The following TCF20 variants were observed in gnomAD, a reference collection of about 807,000 sequenced individuals.
The protein encoded by TCF20 is transcription factor 20.
A neutral mutation model predicts 148.6 loss-of-function variants in TCF20; 3 were observed. That is an observed-to-expected ratio of 0.02 (90% confidence interval 0.01 to 0.05). The LOEUF is 0.05. Ranked by LOEUF, TCF20 falls within the 10% of genes least tolerant of loss-of-function variation. The pLI, the probability that TCF20 is intolerant of heterozygous loss-of-function variation, is 1.00. For missense variants in TCF20, 2,350 were observed against 2,429.3 expected, an observed-to-expected ratio of 0.97 and a Z score of 0.69; for synonymous variants, 1,049 against 909.5, an observed-to-expected ratio of 1.15 and a Z score of -2.76.
At chr22:42,192,811 G>C (rs1937403169) in intron 2 of TCF20, among the ~76,000 whole-genome samples, 10 of 152,134 alleles carry the variant, frequency 6.6e-5, no homozygotes. Context: ...AAACCTACTG[G>C]AAGGAAAAAC....
intron 2 of TCF20, among the ~76,000 whole-genome samples, chr22:42,200,829 T>C (rs982275270): frequency 1.3e-5 from 2 of 152,164 alleles, no homozygotes; most frequent in Admixed American, 6.5e-5. Flanking sequence ...CTGAGTTTCC[T>C]TTATAAAACA....
intron 3 of TCF20, among the ~76,000 whole-genome samples, chr22:42,174,768 G>C (rs371202880): frequency 6.6e-6 from 1 of 151,854 alleles, no homozygotes; most frequent in East Asian, 1.9e-4. Context: ...AGGCGCGGTG[G>C]CTCACGCCTG....
intron 2 of TCF20, among the ~76,000 whole-genome samples, chr22:42,186,677 A>AG (rs1298003900): frequency 6.6e-6 from 1 of 152,154 alleles, no homozygotes; most frequent in Non-Finnish European, 1.5e-5. Context: ...ACGGTGTGGA[A>AG]GGTCAGTTCT....
chr22:42,177,257 A>C (rs1212547352), intron 3 of TCF20, among the ~76,000 whole-genome samples: 1 of 152,142 alleles, frequency 6.6e-6, no homozygotes, highest in Non-Finnish European at 1.5e-5. Flanking sequence ...TCTACTAAAA[A>C]TACAAAAATT....
intron 1 of TCF20, among the ~76,000 whole-genome samples, chr22:42,215,715 C>T (rs1179853535): frequency 3.3e-5 from 5 of 152,152 alleles, no homozygotes; most frequent in Non-Finnish European, 7.4e-5. Flanking sequence ...TCGTGATCCG[C>T]CCACCTCGGC....
At chr22:42,208,351 G>A (rs1201776391) in intron 2 of TCF20, among the ~76,000 whole-genome samples, 1 of 152,204 alleles carries the variant, frequency 6.6e-6, no homozygotes, top group Non-Finnish European at 1.5e-5. Context: ...TGGGCACTGT[G>A]GCTTGTGGCA....
At chr22:42,342,051 A>C (rs1190380980) in intron 1 of TCF20, among the ~76,000 whole-genome samples, 1 of 152,082 alleles carries the variant, frequency 6.6e-6, no homozygotes, top group Non-Finnish European at 1.5e-5. Context: ...ACCAGGGTAC[A>C]TCCACTTCCC....
In TCF20 at chr22:42,308,960, T is replaced by C. The variant is rs147500386; in HGVS notation, c.-37+34519A>G. ...ACGGGCTGGGATTGCACACAGGCCCTGAGGGTAGAGCTTACTGAGAGCAGA... is the reference window on the plus strand; with the variant it reads ...ACGGGCTGGGATTGCACACAGGCCCCGAGGGTAGAGCTTACTGAGAGCAGA... On this transcript the variant is annotated intron_variant, in intron 1 of 1. Coordinates refer to the TCF20 transcript ENST00000515426. Among the ~76,000 whole-genome samples the C allele has an allele frequency of 9.8e-4, 149 of 152,168 alleles. 3 individuals are homozygous for C. The East Asian group carries it at 0.028, about 29-fold the overall frequency.
chr22:42,270,281 G>A (rs921578996), intron 1 of TCF20, among the ~76,000 whole-genome samples, 58 bp downstream of exon 1: 60 of 152,004 alleles, frequency 3.9e-4, no homozygotes, highest in African/African-American at 1.3e-3. Flanking sequence ...ACCCCGGCCC[G>A]GCCCCAGTCC....
At position 42,214,983 on chromosome 22, in the gene TCF20, T is replaced by C. The variant is rs765446160; in HGVS notation, c.323A>G (p.Gln108Arg). 6.2e-7 allele frequency: 1 copy of C among 1,614,198 alleles called. No individual in the cohort carries two copies. The highest frequency in any genetic ancestry group is 1.1e-5 in the South Asian group (1 of 91,082). ...PVTTGTPQPP[Q>R]RRPSGPVQSY... ...CTGCACAGGCCCAGAAGGCCTTCGC[T>C]GAGGAGGCTGTGGGGTTCCTGTAGT... Residue 108 changes from glutamine (Q) to arginine (R), a missense_variant, in exon 2 of 6, where the codon CAG becomes CGG. Transcript: ENST00000677622.
intron 2 of TCF20, among the ~76,000 whole-genome samples, chr22:42,191,174 C>T (rs138324675): frequency 2.0e-5 from 3 of 152,296 alleles, no homozygotes; most frequent in African/African-American, 4.8e-5. Context: ...AAAATGTATA[C>T]GTAGTTTGTT....
At chr22:42,221,119 G>A (rs142251000) in intron 1 of TCF20, among the ~76,000 whole-genome samples, 1 of 152,334 alleles carries the variant, frequency 6.6e-6, no homozygotes, top group Non-Finnish European at 1.5e-5. Context: ...CTGGGTTAGA[G>A]TTTGCAATGA....
At chr22:42,293,972 C>A (rs1174369877) in intron 1 of TCF20, among the ~76,000 whole-genome samples, 1 of 152,226 alleles carries the variant, frequency 6.6e-6, no homozygotes, top group Middle Eastern at 3.2e-3. Flanking sequence ...AGCACTCCAC[C>A]CTGGGCCACA....
At chr22:42,199,710 A>C (rs1371382833) in intron 2 of TCF20, among the ~76,000 whole-genome samples, 1 of 130,306 alleles carries the variant, frequency 7.7e-6, no homozygotes, top group African/African-American at 3.1e-5. Flanking sequence ...TCTCTACAAA[A>C]AAAAAAAAAA....
intron 1 of TCF20, chr22:42,276,258 A>G (rs776107027): frequency 1.1e-4 from 16 of 152,242 alleles, no homozygotes; most frequent in Non-Finnish European, 1.9e-4. Context: ...GATAACGGCC[A>G]CTACTTCCTG....
chr22:42,209,888 G>A lies in TCF20; in HGVS notation c.5418C>T (p.Leu1806=). 1 of 1,614,122 alleles carries A rather than the reference G, an allele frequency of 6.2e-7. No individual in the cohort carries two copies. Among genetic ancestry groups the A allele is most frequent in the Non-Finnish European group, 8.5e-7 (1 of 1,180,028 alleles). ...CCTCAGTGGCTGCTTTTTTACAAGG[G>A]AGCCCCCTGGACAGGGACCGAGGGC... ...GGGPRSLSRG[L]PCKKAATEGS... Residue 1806 remains leucine (L), a synonymous_variant, in exon 2 of 6, where the codon CTC becomes CTT. Transcript: ENST00000677622.
chr22:42,181,399 T>C (rs1054196020), intron 2 of TCF20, among the ~76,000 whole-genome samples: 4 of 151,914 alleles, frequency 2.6e-5, no homozygotes, highest in African/African-American at 9.7e-5. Context: ...GCCAAGCTGG[T>C]CTCAAACTCC....
At chr22:42,227,119 C>G (rs1412178383) in intron 1 of TCF20, among the ~76,000 whole-genome samples, 1 of 152,086 alleles carries the variant, frequency 6.6e-6, no homozygotes, top group Admixed American at 6.6e-5. Context: ...CCCGTCTCTA[C>G]TAAAAATACA....
At chr22:42,216,354 C>G (rs118002301) in intron 1 of TCF20, among the ~76,000 whole-genome samples, 1 of 152,148 alleles carries the variant, frequency 6.6e-6, no homozygotes, top group Admixed American at 6.5e-5. Context: ...GGCCAGAGAA[C>G]TGCAGCCAAT....
Sources: gnomAD v4.1 joint callset for allele counts (sites outside exome capture counted in the v4.1 genomes callset) on GRCh38, gnomAD v4.1.1 for gene constraint, MANE v1.5 for transcripts, NCBI Gene and HGNC (gene_info 2026-07-23, HGNC 2026-07-21) for gene names.